The following PCDHA7 variants were observed in gnomAD, a reference collection of about 807,000 sequenced individuals.
The protein encoded by PCDHA7 is protocadherin alpha-7.
A neutral mutation model predicts 57.2 loss-of-function variants in PCDHA7; 37 were observed. That is an observed-to-expected ratio of 0.65 (90% CI 0.50 to 0.85). The LOEUF is 0.85. Among genes scored for constraint, PCDHA7 ranks in the 40% least tolerant of loss-of-function variants. The probability of loss-of-function intolerance (pLI) is 0.00; values close to 1 mark genes in which losing one functional copy is unlikely to be tolerated. For synonymous variants in PCDHA7, 553 were observed against 558.8 expected, an observed-to-expected ratio of 0.99 and a Z score of 0.15; for missense variants, 1,188 against 1,241.8, an observed-to-expected ratio of 0.96 and a Z score of 0.65.
chr5:140,870,911 A>G (rs782609021), intron 1 of PCDHA7: 2 of 1,613,910 alleles, frequency 1.2e-6, no homozygotes, highest in Non-Finnish European at 1.7e-6. Context: ...TCAGGCTACA[A>G]CGCGTGGCTT....
At chr5:141,006,612 AAGG>A (rs2098279964) in intron 3 of PCDHA7, among the ~76,000 whole-genome samples, 1 of 152,204 alleles carries the variant, frequency 6.6e-6, no homozygotes, top group African/African-American at 2.4e-5. Flanking sequence ...CAGACTGAAT[AAGG>A]AGACTATTGC....
At chr5:140,914,761 G>A (rs2076826214) in intron 1 of PCDHA7, among the ~76,000 whole-genome samples, 1 of 151,734 alleles carries the variant, frequency 6.6e-6, no homozygotes, top group Non-Finnish European at 1.5e-5. Context: ...GAGGTTACAT[G>A]AGGTTTATGA....
rs1434426263 is a variant in PCDHA7, at chr5:140,852,473, T to A, written c.2355+15735T>A. On this transcript the variant is annotated intron_variant, in intron 1 of 3. Coordinates refer to ENST00000525929, the MANE Select transcript of PCDHA7 (RefSeq NM_018910.3). ...TTGTATTTTTAGTAGAGATGGGGTT[T>A]CATCATGTTGGCCAGGTTGGTCTCG... 6 of 195,480 alleles carry A rather than the reference T, an allele frequency of 3.1e-5. 1 individual carries two copies. The highest frequency in any genetic ancestry group is 6.2e-5 in the Non-Finnish European group (6 of 97,540). 12.1% of individuals were successfully genotyped at this position (195,480 alleles called of 1,614,324 possible). A position where few individuals can be genotyped will look rare whatever the true frequency, so the allele number is the denominator to read the frequency against.
chr5:140,887,802 T>A (rs2061588161), intron 1 of PCDHA7, among the ~76,000 whole-genome samples: 1 of 152,198 alleles, frequency 6.6e-6, no homozygotes, highest in Non-Finnish European at 1.5e-5. Context: ...TTTATTTTTG[T>A]CCATTTCTTT....
chr5:140,836,198 G>C lies in PCDHA7; in HGVS notation c.1815G>C (p.Ala605=). The C allele has an allele frequency of 3.1e-6, 5 of 1,613,862 alleles. 1 individual carries two copies. The South Asian group carries it at 5.5e-5, about 18-fold the overall frequency. The part of the protein sequence containing the change: ...RAVDADSGYN[A]WLSYELQPVA... ...TTGACGCTGACTCAGGCTACAACGC[G>C]TGGCTTTCGTATGAGTTGCAACCGG... is the stretch of plus-strand genomic sequence containing the variant. The change falls in exon 1 of 4, where the codon GCG becomes GCC. Residue 605 remains alanine (A), a synonymous_variant. Transcript: ENST00000525929.
chr5:140,882,462 G>T, intron 1 of PCDHA7: 1 of 1,614,036 alleles, frequency 6.2e-7, no homozygotes, highest in Non-Finnish European at 8.5e-7. Context: ...CGCCTGTTCC[G>T]GGTGGCGTCC....
intron 1 of PCDHA7, among the ~76,000 whole-genome samples, chr5:140,952,242 C>A (rs1469286013): frequency 6.6e-6 from 1 of 151,750 alleles, no homozygotes; most frequent in Admixed American, 6.6e-5. Flanking sequence ...CTGCTTAGAA[C>A]TGCTGGTGGA....
chr5:141,004,528 C>T (rs2098169666), intron 3 of PCDHA7, among the ~76,000 whole-genome samples: 1 of 152,230 alleles, frequency 6.6e-6, no homozygotes, highest in Non-Finnish European at 1.5e-5. Flanking sequence ...CCAATACACA[C>T]AGCCATTAAT....
At position 140,897,120 on chromosome 5, in the gene PCDHA7, C is replaced by T. The variant is rs116233032; in HGVS notation, c.2355+60382C>T. Among the ~76,000 whole-genome samples, 1,215 of 152,248 alleles carry T rather than the reference C, an allele frequency of 8.0e-3. 5 individuals are homozygous for T. The highest frequency in any genetic ancestry group is 0.019 in the African/African-American group (784 of 41,540). On this transcript the variant is annotated intron_variant, in intron 1 of 3. Coordinates refer to ENST00000525929, the MANE Select transcript of PCDHA7 (RefSeq NM_018910.3). ...TAAAAATCTCCACTTTCTGTCCACA[C>T]CCCACTAAACTTTCTAGCCTTTGTT... is the stretch of plus-strand genomic sequence containing the variant.
At chr5:140,839,657 C>T (rs1377824888) in intron 1 of PCDHA7, among the ~76,000 whole-genome samples, 2 of 152,010 alleles carry the variant, frequency 1.3e-5, no homozygotes, top group East Asian at 1.9e-4. Context: ...AAATTGTTTG[C>T]TACTATTTAG....
At chr5:140,859,740 G>A (rs2045997689) in intron 1 of PCDHA7, 1 of 154,064 alleles carries the variant, frequency 6.5e-6, no homozygotes. Flanking sequence ...ATTTAAGCAT[G>A]GCATTCTTTC....
At chr5:141,000,415 A>AT (rs1563651650) in intron 3 of PCDHA7, among the ~76,000 whole-genome samples, 6 of 87,394 alleles carry the variant, frequency 6.9e-5, no homozygotes, top group African/African-American at 1.5e-4. Flanking sequence ...ATATATATAT[A>AT]TATATATTTT....
intron 1 of PCDHA7, chr5:140,927,936 A>G: frequency 6.2e-7 from 1 of 1,614,246 alleles, no homozygotes; most frequent in East Asian, 2.2e-5. Context: ...TTTCGAACCC[A>G]GTACCTGAGG....
intron 1 of PCDHA7, among the ~76,000 whole-genome samples, chr5:140,906,949 A>G (rs1349850915): frequency 1.3e-5 from 2 of 152,144 alleles, no homozygotes; most frequent in Non-Finnish European, 2.9e-5. Flanking sequence ...CTTAATTTCC[A>G]GTTTAATGGA....
At chr5:140,842,015 G>C in intron 1 of PCDHA7, 1 of 1,613,814 alleles carries the variant, frequency 6.2e-7, no homozygotes, top group East Asian at 2.2e-5. Flanking sequence ...GCTGGTCACA[G>C]TGCTGGATGT....
At chr5:140,991,629 T>C (rs1466263798) in intron 3 of PCDHA7, among the ~76,000 whole-genome samples, 5 of 152,208 alleles carry the variant, frequency 3.3e-5, no homozygotes, top group African/African-American at 1.2e-4. Context: ...ATATTTGTAA[T>C]AACAATCTGT....
chr5:140,954,184 T>C (rs2094994216), intron 1 of PCDHA7, among the ~76,000 whole-genome samples: 1 of 152,236 alleles, frequency 6.6e-6, no homozygotes, highest in Non-Finnish European at 1.5e-5. Flanking sequence ...CAGTCTATCA[T>C]TGATGGGCAT....
At chr5:140,895,590 T>C (rs1554186569) in intron 1 of PCDHA7, among the ~76,000 whole-genome samples, 2 of 152,208 alleles carry the variant, frequency 1.3e-5, no homozygotes, top group Non-Finnish European at 2.9e-5. Context: ...ATTAGATATA[T>C]AATTTGCAAA....
chr5:140,893,882 C>G (rs2064212921), intron 1 of PCDHA7, among the ~76,000 whole-genome samples: 1 of 152,140 alleles, frequency 6.6e-6, no homozygotes, highest in Non-Finnish European at 1.5e-5. Flanking sequence ...CCAAAGTGGC[C>G]AGAAAGTTAC....
Sources: allele counts gnomAD v4.1 joint callset (sites outside exome capture counted in the v4.1 genomes callset), GRCh38; gene constraint gnomAD v4.1.1; transcripts MANE v1.5; gene names NCBI Gene and HGNC (gene_info 2026-07-23, HGNC 2026-07-21).